Variants in FBXO25 observed in about 807,000 individuals in gnomAD.
The protein encoded by FBXO25 is F-box protein 25.
Under a neutral mutation model 51.9 loss-of-function variants are expected in FBXO25, and 45 were observed. The ratio of observed to expected loss-of-function variants is 0.87; its 90% CI spans 0.68 to 1.11. The LOEUF (loss-of-function observed/expected upper bound fraction) is 1.11, where lower values mean the gene tolerates loss of function less well. FBXO25 is among the 50% of genes most tolerant of loss of function. The pLI, the probability that FBXO25 is intolerant of heterozygous loss-of-function variation, is 0.00. For missense variants in FBXO25, 507 were observed against 428.5 expected, an observed-to-expected ratio of 1.18 and a Z score of -1.62; for synonymous variants, 199 against 151.0, an observed-to-expected ratio of 1.32 and a Z score of -2.33.
At chr8:454,776 A>T (rs1277573825) in intron 7 of FBXO25, among the ~76,000 whole-genome samples, 3 of 152,012 alleles carry the variant, frequency 2.0e-5, no homozygotes, top group Admixed American at 1.3e-4. Context: ...CTGTGGTCCC[A>T]GCTACTTGGG....
chr8:459,761 C>T (rs1295848835), intron 8 of FBXO25, among the ~76,000 whole-genome samples: 3 of 152,076 alleles, frequency 2.0e-5, no homozygotes, highest in Non-Finnish European at 2.9e-5. Flanking sequence ...CAGGAGGCAA[C>T]GGGATCAGCC....
chr8:440,058 C>G (rs1344864387), intron 5 of FBXO25, among the ~76,000 whole-genome samples: 1 of 152,130 alleles, frequency 6.6e-6, no homozygotes, highest in Non-Finnish European at 1.5e-5. Context: ...GGGAAAGATG[C>G]TTAGTGAGTG....
chr8:415,585 G>C (rs997964028), intron 2 of FBXO25, among the ~76,000 whole-genome samples: 17 of 152,260 alleles, frequency 1.1e-4, no homozygotes, highest in Admixed American at 3.3e-4. Context: ...GAGAAATGTT[G>C]AGTGCTGCCT....
At chr8:453,788 A>G (rs1799246859) in intron 7 of FBXO25, among the ~76,000 whole-genome samples, 1 of 152,152 alleles carries the variant, frequency 6.6e-6, no homozygotes, top group African/African-American at 2.4e-5. Context: ...CAGTGAGCTG[A>G]CAGTTGTCTT....
At chr8:454,984 C>G (rs1799336027) in intron 7 of FBXO25, among the ~76,000 whole-genome samples, 1 of 151,966 alleles carries the variant, frequency 6.6e-6, no homozygotes, top group African/African-American at 2.4e-5. Context: ...TCTCCAGGGG[C>G]AAGAGGTTTG....
At chr8:427,374 A>G (rs373182947) in intron 2 of FBXO25, among the ~76,000 whole-genome samples, 1 of 150,456 alleles carries the variant, frequency 6.6e-6, no homozygotes, top group Non-Finnish European at 1.5e-5. Flanking sequence ...CACAGTCTGC[A>G]TGTTATATGA....
intron 2 of FBXO25, among the ~76,000 whole-genome samples, chr8:417,099 C>T (rs1054521784): frequency 2.0e-5 from 3 of 152,172 alleles, no homozygotes; most frequent in Non-Finnish European, 4.4e-5. Context: ...TATTCAGGGA[C>T]AGCAGGGTTC....
chr8:436,705 T>C (rs555209528), intron 5 of FBXO25, among the ~76,000 whole-genome samples: 27 of 152,286 alleles, frequency 1.8e-4, no homozygotes, highest in African/African-American at 5.5e-4. Context: ...GACTCAGCCT[T>C]GTGGAAATTT....
intron 7 of FBXO25, among the ~76,000 whole-genome samples, chr8:454,902 AAG>A (rs1025984467): frequency 6.8e-6 from 1 of 146,332 alleles, no homozygotes; most frequent in Admixed American, 6.7e-5. Context: ...AAAAAAGAAA[AAG>A]AAAAAGAAAA....
At chr8:428,771 CTCATATAAG>C (rs1318794541) in intron 2 of FBXO25, among the ~76,000 whole-genome samples, 5 of 152,148 alleles carry the variant, frequency 3.3e-5, no homozygotes, top group African/African-American at 1.2e-4. Flanking sequence ...TTCTGAGTAC[CTCATATAAG>C]TCAAATCAGA....
intron 7 of FBXO25, among the ~76,000 whole-genome samples, chr8:457,474 C>G (rs561747011): frequency 9.9e-5 from 15 of 152,146 alleles, no homozygotes; most frequent in African/African-American, 3.6e-4. Context: ...ATTGCATTTA[C>G]TCTCTGGCGT....
intron 2 of FBXO25, among the ~76,000 whole-genome samples, chr8:413,808 C>T (rs1796633686): frequency 1.3e-5 from 2 of 152,188 alleles, no homozygotes; most frequent in Admixed American, 1.3e-4. Flanking sequence ...TTGCCCACAC[C>T]TTGTTGGCTA....
rs200315923 is a variant in FBXO25 at position 427,551 on chromosome 8, A to G, written c.135-3790A>G. On this transcript the variant is annotated intron_variant, in intron 2 of 9. Coordinates refer to ENST00000350302, the MANE Select transcript of FBXO25 (RefSeq NM_183420.2). ...CATTTTCTGGGATTCCATAACCACA[A>G]ACTCAGTGGCTTAAAACCACAGAAA... 7.3e-5 allele frequency among the ~76,000 whole-genome samples: 11 copies of G among 150,582 alleles called. No individual in the cohort carries two copies. The East Asian group carries it at 2.1e-3, about 29-fold the overall frequency.
chr8:466,144 T>C (rs1800145378), intron 9 of FBXO25, among the ~76,000 whole-genome samples: 1 of 152,152 alleles, frequency 6.6e-6, no homozygotes, highest in South Asian at 2.1e-4. Context: ...AATCCATGCA[T>C]TGGAAGTATT....
intron 2 of FBXO25, among the ~76,000 whole-genome samples, chr8:419,541 C>T (rs189345201): frequency 7.2e-4 from 110 of 152,222 alleles, no homozygotes; most frequent in Middle Eastern, 3.4e-3. Context: ...TGTAAAGGCA[C>T]CTCTTAATAT....
chr8:431,857 A>T (rs188656933), intron 3 of FBXO25, among the ~76,000 whole-genome samples: 1 of 152,268 alleles, frequency 6.6e-6, no homozygotes, highest in African/African-American at 2.4e-5. Context: ...GGACCTATCT[A>T]TGTGAGGGCA....
intron 2 of FBXO25, among the ~76,000 whole-genome samples, chr8:421,328 C>A (rs551937638): frequency 6.6e-6 from 1 of 152,228 alleles, no homozygotes; most frequent in African/African-American, 2.4e-5. Flanking sequence ...GTCCTTGGTG[C>A]CAAAACGGTT....
intron 2 of FBXO25, among the ~76,000 whole-genome samples, chr8:423,375 GT>G (rs1217776561): frequency 6.6e-6 from 1 of 152,248 alleles, no homozygotes; most frequent in East Asian, 1.9e-4. Flanking sequence ...TGAGGCTGGG[GT>G]TTGGAGTACA....
chr8:434,535 G>A (rs1166309649), intron 4 of FBXO25, among the ~76,000 whole-genome samples: 1 of 152,172 alleles, frequency 6.6e-6, no homozygotes, highest in African/African-American at 2.4e-5. Context: ...GGCGATTGGG[G>A]TTGGCGCACA....
Sources: gnomAD v4.1 joint callset for allele counts (sites outside exome capture counted in the v4.1 genomes callset) on GRCh38, gnomAD v4.1.1 for gene constraint, MANE v1.5 for transcripts, NCBI Gene and HGNC (gene_info 2026-07-23, HGNC 2026-07-21) for gene names.